Variants in SORCS1 observed in about 807,000 individuals in gnomAD.
SORCS1 encodes the protein sortilin related VPS10 domain containing receptor 1, also known as VPS10 domain-containing receptor SorCS1.
SORCS1 carries 60 observed loss-of-function variants against 146.1 expected under a neutral mutation model. The observed-to-expected ratio is 0.41, with a 90% CI of 0.33 to 0.51. The LOEUF (loss-of-function observed/expected upper bound fraction) is 0.51, where lower values mean the gene tolerates loss of function less well. Among genes scored for constraint, SORCS1 ranks in the 20% least tolerant of loss-of-function variants. The pLI, the probability that SORCS1 is intolerant of heterozygous loss-of-function variation, is 0.21. For missense variants in SORCS1, 1,352 were observed against 1,487.6 expected (o/e 0.91, Z 1.50); for synonymous variants, 637 against 584.0 (o/e 1.09, Z -1.31).
Position 106,933,161 on chromosome 10 carries a change from G to A in SORCS1, c.626+23352C>T, listed in dbSNP as rs566948136. On this transcript the variant is annotated intron_variant, in intron 2 of 25. Transcript: ENST00000263054. ...AGAACATGTTCACTGAAACTAGGAA[G>A]CCCAGAAATAAGGTATCAGCAACAC... Among the ~76,000 whole-genome samples, 345 of 152,280 alleles carry A rather than the reference G, an allele frequency of 2.3e-3. 2 individuals are homozygous for A. The highest frequency in any genetic ancestry group is 4.0e-3 in the Non-Finnish European group (274 of 68,026).
At chr10:106,579,334 C>T in intron 25 of SORCS1, 35 bp downstream of exon 25, 5 of 1,613,960 alleles carry the variant, frequency 3.1e-6, no homozygotes, top group Non-Finnish European at 3.4e-6. Flanking sequence ...AGGAAGAGGT[C>T]AGGGGTGGGG....
intron 2 of SORCS1, among the ~76,000 whole-genome samples, chr10:106,914,341 T>G (rs887605283): frequency 6.6e-6 from 1 of 152,206 alleles, no homozygotes; most frequent in Non-Finnish European, 1.5e-5. Flanking sequence ...CATATCATTA[T>G]CCAAGCTATT....
intron 17 of SORCS1, among the ~76,000 whole-genome samples, chr10:106,663,001 A>G (rs1850851951): frequency 1.3e-5 from 2 of 152,208 alleles, no homozygotes; most frequent in Non-Finnish European, 2.9e-5. Context: ...AATTTGCATT[A>G]TGAGCTAACA....
chr10:106,909,715 C>T (rs973149784), intron 2 of SORCS1, among the ~76,000 whole-genome samples: 71 of 152,176 alleles, frequency 4.7e-4, no homozygotes, highest in African/African-American at 1.7e-3. Context: ...TTATTTTTGG[C>T]TCCAACCTGG....
intron 1 of SORCS1, among the ~76,000 whole-genome samples, chr10:107,069,718 C>A (rs6584789): frequency 0.38 from 57,784 of 152,076 alleles, 12,780 homozygotes; most frequent in African/African-American, 0.62. Flanking sequence ...TAGATAAATT[C>A]GTTTTTGTTT....
At position 106,699,215 on chromosome 10, in the gene SORCS1, T is replaced by C. The variant is rs1853940312; in HGVS notation, c.1412A>G (p.Glu471Gly). The stretch of plus-strand genomic sequence containing the variant: ...GACCACATATGCCTCGTGACATACC[T>C]CATAGAGGTCGATCATGATGTTGCC... ...PEGNIMIDLY[E>G]VAGIKGMFLA... The change falls in exon 9 of 26, where the codon GAG becomes GGG. Residue 471 changes from glutamate (E) to glycine (G), a missense_variant and splice_region_variant. Glu to Gly is a moderately conservative substitution (Grantham distance 98). This residue lies in a region of SORCS1 where 648 missense variants were observed against 793.8 expected (regional missense o/e 0.82). Coordinates refer to ENST00000263054, the MANE Select transcript of SORCS1 (RefSeq NM_052918.5). 1 of 1,609,978 alleles carries C rather than the reference T, an allele frequency of 6.2e-7. No individual in the cohort carries two copies.
chr10:106,891,112 G>A (rs924734285), intron 2 of SORCS1, among the ~76,000 whole-genome samples: 1 of 152,056 alleles, frequency 6.6e-6, no homozygotes, highest in Non-Finnish European at 1.5e-5. Flanking sequence ...AAGCAACATG[G>A]TTCCCGTATT....
chr10:106,977,799 C>G (rs1463391354), intron 1 of SORCS1, among the ~76,000 whole-genome samples: 2 of 152,182 alleles, frequency 1.3e-5, no homozygotes, highest in Non-Finnish European at 2.9e-5. Flanking sequence ...AACCTTGACA[C>G]ATAGTACGGC....
chr10:106,995,858 T>C (rs1428691992), intron 1 of SORCS1, among the ~76,000 whole-genome samples: 1 of 152,114 alleles, frequency 6.6e-6, no homozygotes, highest in African/African-American at 2.4e-5. Context: ...ATTTTACTTA[T>C]AACAAGGGAA....
At chr10:106,922,102 T>A (rs1336651529) in intron 2 of SORCS1, among the ~76,000 whole-genome samples, 4 of 152,100 alleles carry the variant, frequency 2.6e-5, no homozygotes, top group African/African-American at 4.8e-5. Flanking sequence ...AGCAGACAGG[T>A]CTCCTCAGGT....
At chr10:106,594,225 T>C (rs1310097274) in intron 24 of SORCS1, among the ~76,000 whole-genome samples, 2 of 152,216 alleles carry the variant, frequency 1.3e-5, no homozygotes, top group Non-Finnish European at 2.9e-5. Flanking sequence ...TTGAAGAAAG[T>C]TTCCTTAAGT....
intron 1 of SORCS1, among the ~76,000 whole-genome samples, chr10:106,994,544 G>A (rs1179575542): frequency 6.6e-6 from 1 of 152,156 alleles, no homozygotes; most frequent in Non-Finnish European, 1.5e-5. Flanking sequence ...TTTTGTTCTT[G>A]AAAATGCTAT....
intron 2 of SORCS1, among the ~76,000 whole-genome samples, chr10:106,840,686 G>A: frequency 6.6e-6 from 1 of 151,960 alleles, no homozygotes; most frequent in Non-Finnish European, 1.5e-5. Flanking sequence ...ATGAAAGGAA[G>A]AGTCAATTCA....
intron 24 of SORCS1, among the ~76,000 whole-genome samples, chr10:106,589,189 G>A (rs1018081909): frequency 6.6e-6 from 1 of 152,098 alleles, no homozygotes; most frequent in Non-Finnish European, 1.5e-5. Flanking sequence ...ACTTACGAAG[G>A]GCACATAATC....
Position 107,121,192 on chromosome 10 carries a change from G to A in SORCS1, c.558+42777C>T, listed in dbSNP as rs116261514. Among the ~76,000 whole-genome samples the A allele has an allele frequency of 2.8e-3, 423 of 152,234 alleles. 3 individuals carry two copies. The highest frequency in any genetic ancestry group is 9.7e-3 in the African/African-American group (402 of 41,544). Reference sequence around the variant, plus strand: ...CGGACAGTACCACCTGTTTCTCAGGGTTGCCACAGGATGCCATGTGATTAT... The same window carrying A: ...CGGACAGTACCACCTGTTTCTCAGGATTGCCACAGGATGCCATGTGATTAT... On this transcript the variant is annotated intron_variant, in intron 1 of 25. Transcript: ENST00000263054.
At chr10:106,594,691 G>A (rs1269629356) in intron 24 of SORCS1, among the ~76,000 whole-genome samples, 1 of 152,122 alleles carries the variant, frequency 6.6e-6, no homozygotes, top group Non-Finnish European at 1.5e-5. Context: ...CACTGTGTTC[G>A]GATACACCAA....
intron 2 of SORCS1, among the ~76,000 whole-genome samples, chr10:106,844,201 T>A (rs1424111152): frequency 6.6e-6 from 1 of 152,240 alleles, no homozygotes; most frequent in Non-Finnish European, 1.5e-5. Context: ...AAAATGCCTA[T>A]TCGTGTTCTT....
intron 1 of SORCS1, among the ~76,000 whole-genome samples, chr10:107,049,510 C>T (rs1040883616): frequency 3.9e-5 from 6 of 152,138 alleles, no homozygotes; most frequent in African/African-American, 7.2e-5. Context: ...TGCTACATGC[C>T]TGGGTTGGGA....
intron 20 of SORCS1, 164 bp downstream of exon 20, chr10:106,620,264 G>T: frequency 1.3e-6 from 1 of 759,170 alleles, no homozygotes. Context: ...GAGAGAGAGA[G>T]AGAACATAAT....
Sources: gnomAD v4.1 joint callset for allele counts (sites outside exome capture counted in the v4.1 genomes callset) on GRCh38, gnomAD v4.1.1 for gene constraint, gnomAD v4.1.1 regional missense constraint, MANE v1.5 for transcripts, NCBI Gene and HGNC (gene_info 2026-07-23, HGNC 2026-07-21) for gene names.